ABCB1: variants seen among roughly 807,000 people sequenced by gnomAD.
The protein encoded by ABCB1 is ATP-dependent translocase ABCB1.
In ABCB1, 69 loss-of-function variants were observed where a neutral mutation model predicts 142.0. That is an observed-to-expected ratio of 0.49 (90% CI 0.40 to 0.59). ABCB1 has a LOEUF of 0.59. ABCB1 is among the 20% of genes least tolerant of loss of function. The pLI is 0.00. For synonymous variants in ABCB1, 532 were observed against 539.2 expected, an observed-to-expected ratio of 0.99 and a Z score of 0.18; for missense variants, 1,326 against 1,554.7, an observed-to-expected ratio of 0.85 and a Z score of 2.47.
At chr7:87,602,127 G>A (rs1300335456), upstream of ABCB1, among the ~76,000 whole-genome samples, 2 of 152,000 alleles carry the variant, frequency 1.3e-5, no homozygotes, top group Non-Finnish European at 2.9e-5. Context: ...CCAGGTAGCT[G>A]GGACTACAGG....
chr7:87,637,789 T>G (rs1032450480), intron 1 of ABCB1, among the ~76,000 whole-genome samples: 1 of 152,110 alleles, frequency 6.6e-6, no homozygotes, highest in African/African-American at 2.4e-5. Flanking sequence ...CAGATTTCTT[T>G]ATTAATTCTA....
chr7:87,581,220 T>C (rs939688532), intron 4 of ABCB1, among the ~76,000 whole-genome samples: 4 of 152,210 alleles, frequency 2.6e-5, no homozygotes, highest in African/African-American at 4.8e-5. Flanking sequence ...GCCTCTCCAA[T>C]AGCTGGGACT....
At chr7:87,694,593 T>C (rs1828327120) in intron 1 of ABCB1, among the ~76,000 whole-genome samples, 1 of 152,200 alleles carries the variant, frequency 6.6e-6, no homozygotes, top group Admixed American at 6.5e-5. Context: ...CAATTTTATC[T>C]GTTTTATGTT....
At chr7:87,561,413 A>G in intron 7 of ABCB1, 26 bp from the exon 8 acceptor site, 1 of 1,595,946 alleles carries the variant, frequency 6.3e-7, no homozygotes, top group Non-Finnish European at 8.6e-7. Context: ...ATTTTGGATC[A>G]TGAAAAAAAC....
At chr7:87,591,797 T>C (rs1341749809) in intron 3 of ABCB1, among the ~76,000 whole-genome samples, 1 of 151,902 alleles carries the variant, frequency 6.6e-6, no homozygotes, top group Non-Finnish European at 1.5e-5. Context: ...GGAGTTTGCA[T>C]GAGAATAAAA....
At chr7:87,672,908 A>G (rs1825974381) in intron 1 of ABCB1, among the ~76,000 whole-genome samples, 1 of 152,056 alleles carries the variant, frequency 6.6e-6, no homozygotes, top group African/African-American at 2.4e-5. Context: ...CAATGTGAGT[A>G]CCTGGATGTT....
In ABCB1 at chr7:87,550,019, A is replaced by C. The variant is rs761999329; in HGVS notation, c.1386T>G (p.Asn462Lys). 1.2e-6 allele frequency: 2 copies of C among 1,614,196 alleles called. No homozygotes were observed. The highest frequency in any genetic ancestry group is 3.3e-5 in the Admixed American group (2 of 60,032). The change falls in exon 13 of 28, where the codon AAT becomes AAG. Residue 462 changes from asparagine to lysine, a missense_variant. Transcript: ENST00000622132. ...CAATGATTTCCCGTAGAAACCTTACATTTATGGTCCTAATATCCTGTCCAT... is the reference window on the plus strand; with the variant it reads ...CAATGATTTCCCGTAGAAACCTTACCTTTATGGTCCTAATATCCTGTCCAT... Reference protein sequence around the residue: ...SVDGQDIRTINVRFLREIIGV... With the variant: ...SVDGQDIRTIKVRFLREIIGV...
intron 27 of ABCB1, among the ~76,000 whole-genome samples, chr7:87,504,770 A>T (rs1406440792): frequency 2.7e-5 from 4 of 149,870 alleles, no homozygotes; most frequent in African/African-American, 4.9e-5. Flanking sequence ...GCGCCACTGC[A>T]CTCCAGCCTG....
intron 4 of ABCB1, among the ~76,000 whole-genome samples, chr7:87,573,295 C>T (rs1818130031): frequency 1.3e-5 from 2 of 152,118 alleles, no homozygotes; most frequent in South Asian, 2.1e-4. Flanking sequence ...GGTTCTCCTA[C>T]TTCCACCACT....
chr7:87,712,416 A>G (rs2130748303), intron 1 of ABCB1, among the ~76,000 whole-genome samples: 1 of 152,254 alleles, frequency 6.6e-6, no homozygotes, highest in African/African-American at 2.4e-5. Flanking sequence ...ATCGTATCAG[A>G]ATCGAGTAGC....
chr7:87,578,982 C>T (rs1328668901), intron 4 of ABCB1, among the ~76,000 whole-genome samples: 2 of 152,134 alleles, frequency 1.3e-5, no homozygotes, highest in South Asian at 2.1e-4. Context: ...CGTGAGCCAC[C>T]GCGCCCGGCC....
chr7:87,570,590 A>G (rs1563057552), intron 4 of ABCB1, among the ~76,000 whole-genome samples: 1 of 152,250 alleles, frequency 6.6e-6, no homozygotes, highest in Non-Finnish European at 1.5e-5. Context: ...CTTGGTACTA[A>G]GGTATATATT....
At chr7:87,658,044 G>T (rs1048946577) in intron 1 of ABCB1, among the ~76,000 whole-genome samples, 1 of 152,170 alleles carries the variant, frequency 6.6e-6, no homozygotes, top group Non-Finnish European at 1.5e-5. Flanking sequence ...GAAGATCTCA[G>T]ATTGCATAAT....
At chr7:87,558,116 C>T (rs1402919341) in intron 8 of ABCB1, among the ~76,000 whole-genome samples, 1 of 152,132 alleles carries the variant, frequency 6.6e-6, no homozygotes, top group Non-Finnish European at 1.5e-5. Flanking sequence ...ATTCACACTA[C>T]CAGTGTTGTC....
At chr7:87,526,840 ACAGCTTTACACATAAGAG>A (rs1403759632) in intron 21 of ABCB1, among the ~76,000 whole-genome samples, 1 of 152,172 alleles carries the variant, frequency 6.6e-6, no homozygotes, top group East Asian at 1.9e-4. Flanking sequence ...TCAGGGATGA[ACAGCTTTACACATAAGAG>A]CATATCTATA....
chr7:87,570,763 ACAGACACACACACACACACT>A (rs1331206415), intron 4 of ABCB1, among the ~76,000 whole-genome samples: 1 of 152,204 alleles, frequency 6.6e-6, no homozygotes, highest in Non-Finnish European at 1.5e-5. Flanking sequence ...CCCCTAACAC[ACAGACACACACACACACACT>A]CAGACACATA....
In ABCB1 at chr7:87,550,718, G is replaced by A; in HGVS notation, c.1113+7C>T. 6.2e-7 allele frequency: 1 copy of A among 1,600,492 alleles called. No individual in the cohort carries two copies. The highest frequency in any genetic ancestry group is 1.3e-5 in the African/African-American group (1 of 74,736). ...GATAGGTGGATAGATGGCCAACTCA[G>A]ACTTACATTATCAATTATCTTGAAG... On this transcript the variant is annotated splice_region_variant and intron_variant, in intron 10 of 27. Transcript: ENST00000622132.
intron 1 of ABCB1, among the ~76,000 whole-genome samples, chr7:87,668,687 A>C (rs1470687057): frequency 6.6e-6 from 1 of 152,072 alleles, no homozygotes; most frequent in Non-Finnish European, 1.5e-5. Context: ...TTTTGTTCTC[A>C]TTATTTTCAA....
chr7:87,712,152 G>T (rs554240024), intron 1 of ABCB1, among the ~76,000 whole-genome samples: 1 of 152,034 alleles, frequency 6.6e-6, no homozygotes, highest in African/African-American at 2.4e-5. Flanking sequence ...TGTCATGATT[G>T]TAAGTTTGAC....
Sources: allele counts gnomAD v4.1 joint callset (sites outside exome capture counted in the v4.1 genomes callset), GRCh38; gene constraint gnomAD v4.1.1; transcripts MANE v1.5; gene names NCBI Gene and HGNC (gene_info 2026-07-23, HGNC 2026-07-21).